The following CFAP54 variants were observed in gnomAD, a reference collection of about 807,000 sequenced individuals.
The protein encoded by CFAP54 is cilia- and flagella-associated protein 54.
In CFAP54, 290 loss-of-function variants were observed where a neutral mutation model predicts 370.4. That is an observed-to-expected ratio of 0.78 (90% confidence interval 0.71 to 0.86). The LOEUF (loss-of-function observed/expected upper bound fraction) is 0.86. Among genes scored for constraint, CFAP54 ranks in the 40% least tolerant of loss-of-function variants. The pLI, the probability that CFAP54 is intolerant of heterozygous loss-of-function variation, is 0.00. For missense variants in CFAP54, 3,399 were observed against 3,528.7 expected, an observed-to-expected ratio of 0.96 and a Z score of 0.93; for synonymous variants, 1,206 against 1,236.5, an observed-to-expected ratio of 0.98 and a Z score of 0.52.
At chr12:96,774,963 C>A (rs1160319576) in intron 60 of CFAP54, among the ~76,000 whole-genome samples, 1 of 152,094 alleles carries the variant, frequency 6.6e-6, no homozygotes. Flanking sequence ...CTTGGTCATC[C>A]ATGAACAAGG....
intron 9 of CFAP54, among the ~76,000 whole-genome samples, chr12:96,528,827 G>A (rs1955410369): frequency 1.3e-5 from 2 of 151,962 alleles, no homozygotes; most frequent in African/African-American, 4.8e-5. Context: ...TCTTGGGTTT[G>A]CTTTACTGAT....
At chr12:96,765,022 A>G in intron 59 of CFAP54, 55 bp from the exon 60 acceptor site, 1 of 1,255,120 alleles carries the variant, frequency 8.0e-7, no homozygotes, top group East Asian at 2.6e-5. Flanking sequence ...CCTAATAGAT[A>G]ATCTATGAAT....
chr12:96,616,044 C>G (rs573291716), intron 26 of CFAP54, among the ~76,000 whole-genome samples: 1 of 152,304 alleles, frequency 6.6e-6, no homozygotes, highest in East Asian at 1.9e-4. Context: ...AATCATGCTG[C>G]TATAAAGACA....
intron 25 of CFAP54, among the ~76,000 whole-genome samples, chr12:96,595,415 A>T (rs1015696180): frequency 6.6e-6 from 1 of 152,098 alleles, no homozygotes; most frequent in African/African-American, 2.4e-5. Flanking sequence ...GTAATGAGAG[A>T]TGTAAGATTT....
chr12:96,663,377 C>A (rs550292491), intron 38 of CFAP54, among the ~76,000 whole-genome samples: 2 of 152,110 alleles, frequency 1.3e-5, no homozygotes, highest in African/African-American at 4.8e-5. Context: ...ATTTTATTAT[C>A]TTAGGACTCA....
chr12:96,781,929 G>A (rs1451785851), intron 60 of CFAP54, among the ~76,000 whole-genome samples: 4 of 151,994 alleles, frequency 2.6e-5, no homozygotes. Context: ...CTGGGAGAGG[G>A]AATTTTATTT....
intron 66 of CFAP54, among the ~76,000 whole-genome samples, chr12:96,852,008 A>G (rs768077636): frequency 3.9e-5 from 6 of 152,154 alleles, no homozygotes; most frequent in Non-Finnish European, 2.9e-5. Context: ...AAGTGAATTT[A>G]GCAAAGTTGC....
In CFAP54 at chr12:96,753,800, G is replaced by A. The variant is rs756377660; in HGVS notation, c.7742G>A (p.Trp2581Ter). ...AATAAAAGGAAGGACCCCTCGAAGT[G>A]GTTACCTGCTCTTCATCTGTTTGAT... ...YKNKRKDPSKWLPALHLFDVA... is the reference protein window; with the variant it reads ...YKNKRKDPSK Residue 2581 changes from tryptophan (W) to a stop codon, truncating the protein, a stop_gained, in exon 56 of 68, where the codon TGG (tryptophan) becomes TAG (stop). Transcript: ENST00000524981. LOFTEE classifies it high-confidence loss of function. The A allele has an allele frequency of 6.2e-7, 1 of 1,613,994 alleles. No homozygotes were observed. The highest frequency in any genetic ancestry group is 8.5e-7 in the Non-Finnish European group (1 of 1,179,940).
At chr12:96,546,359 T>C in intron 14 of CFAP54, among the ~76,000 whole-genome samples, 1 of 152,320 alleles carries the variant, frequency 6.6e-6, no homozygotes, top group South Asian at 2.1e-4. Flanking sequence ...AAAAATAGTT[T>C]GTTTTTTTCT....
chr12:96,664,735 A>C (rs368262662), intron 39 of CFAP54, among the ~76,000 whole-genome samples: 18,229 of 51,430 alleles, frequency 0.35, 2,499 homozygotes, highest in Middle Eastern at 0.43. Context: ...CTATATATAT[A>C]TATCTATATA....
chr12:96,526,055 C>G (rs1955377236), intron 8 of CFAP54, among the ~76,000 whole-genome samples: 1 of 152,210 alleles, frequency 6.6e-6, no homozygotes, highest in Non-Finnish European at 1.5e-5. Flanking sequence ...AGTAGGGAAG[C>G]TAGTGCTTGC....
At chr12:96,700,504 C>T (rs182411195) in intron 46 of CFAP54, among the ~76,000 whole-genome samples, 46 of 152,190 alleles carry the variant, frequency 3.0e-4, no homozygotes, top group Non-Finnish European at 6.2e-4. Context: ...ATACTTTATA[C>T]CAAAGTTTTA....
At chr12:96,855,686 C>T (rs566790187) in intron 66 of CFAP54, among the ~76,000 whole-genome samples, 1 of 152,360 alleles carries the variant, frequency 6.6e-6, no homozygotes, top group Admixed American at 6.5e-5. Flanking sequence ...GGCAGCTCTG[C>T]CCCTGTGCGT....
At chr12:96,711,979 T>C (rs967281181) in intron 48 of CFAP54, among the ~76,000 whole-genome samples, 2 of 152,200 alleles carry the variant, frequency 1.3e-5, no homozygotes, top group African/African-American at 4.8e-5. Context: ...AGGAATGAAA[T>C]TGATGTGTCA....
At chr12:96,528,202 T>C (rs1045741755) in intron 9 of CFAP54, among the ~76,000 whole-genome samples, 5 of 152,154 alleles carry the variant, frequency 3.3e-5, no homozygotes, top group Non-Finnish European at 5.9e-5. Flanking sequence ...AGATCACAGA[T>C]GTTTCTTGTA....
At chr12:96,825,714 A>T (rs1260478823) in intron 65 of CFAP54, among the ~76,000 whole-genome samples, 10 of 124,982 alleles carry the variant, frequency 8.0e-5, no homozygotes, top group African/African-American at 2.5e-4. Context: ...TATTAATTAG[A>T]TTATATAATA....
chr12:96,746,838 CCTCTCCTCCCCACTACTCACTGG>C (rs1406563267), intron 55 of CFAP54, among the ~76,000 whole-genome samples: 3 of 152,092 alleles, frequency 2.0e-5, no homozygotes, highest in Non-Finnish European at 4.4e-5. Context: ...CATTCTCTTC[CCTCTCCTCCCCACTACTCACTGG>C]CTCCCACACA....
At chr12:96,791,721 C>T (rs989938161) in intron 62 of CFAP54, among the ~76,000 whole-genome samples, 4 of 152,056 alleles carry the variant, frequency 2.6e-5, no homozygotes. Context: ...ATAGGTGTTC[C>T]TAGAAACAGT....
intron 50 of CFAP54, among the ~76,000 whole-genome samples, chr12:96,721,670 TA>T (rs1957755591): frequency 6.6e-6 from 1 of 152,196 alleles, no homozygotes; most frequent in South Asian, 2.1e-4. Flanking sequence ...TTAATTCGTT[TA>T]AAAAATAAGT....
Sources: allele counts gnomAD v4.1 joint callset (sites outside exome capture counted in the v4.1 genomes callset), GRCh38; gene constraint gnomAD v4.1.1; transcripts MANE v1.5; gene names NCBI Gene and HGNC (gene_info 2026-07-23, HGNC 2026-07-21).